Variants in DOK6 observed in about 807,000 individuals in gnomAD.
The protein encoded by DOK6 is downstream of tyrosine kinase 6.
In DOK6, 22 loss-of-function variants were observed where a neutral mutation model predicts 44.0. The ratio of observed to expected loss-of-function variants is 0.50; its 90% CI spans 0.36 to 0.71. DOK6 has a LOEUF of 0.71. Ranked by LOEUF, DOK6 falls within the 30% of genes least tolerant of loss-of-function variation. The pLI is 0.00. For missense variants in DOK6, 340 were observed against 416.4 expected, an observed-to-expected ratio of 0.82 and a Z score of 1.60; for synonymous variants, 166 against 145.5, an observed-to-expected ratio of 1.14 and a Z score of -1.01.
intron 1 of DOK6, among the ~76,000 whole-genome samples, chr18:69,506,480 C>T (rs754697367): frequency 1.3e-5 from 2 of 152,046 alleles, no homozygotes; most frequent in African/African-American, 2.4e-5. Context: ...TTGTAAGTGT[C>T]GAAGAAATGA....
intron 5 of DOK6, among the ~76,000 whole-genome samples, chr18:69,698,984 T>C (rs1305946155): frequency 1.3e-5 from 2 of 152,224 alleles, no homozygotes; most frequent in African/African-American, 4.8e-5. Context: ...GAGTGTTTTT[T>C]AATAAGCAAA....
intron 1 of DOK6, among the ~76,000 whole-genome samples, chr18:69,421,070 C>T (rs184692819): frequency 5.5e-4 from 83 of 152,242 alleles, no homozygotes; most frequent in South Asian, 3.3e-3. Flanking sequence ...GCATGCATCA[C>T]TTTAAATGTA....
At chr18:69,770,103 G>T (rs556303007) in intron 7 of DOK6, among the ~76,000 whole-genome samples, 7 of 152,110 alleles carry the variant, frequency 4.6e-5, no homozygotes, top group African/African-American at 1.7e-4. Context: ...TAGGAGTGGC[G>T]TTTTTATAAA....
In DOK6 at chr18:69,413,426, C is replaced by A. The variant is rs79798230; in HGVS notation, c.66+12116C>A. ...GATATAAGGATACATCCAGATCATA[C>A]AATTAAGAAAAAAGTTTGATTTAAA... On this transcript the variant is annotated intron_variant, in intron 1 of 7. Coordinates refer to ENST00000382713, the MANE Select transcript of DOK6 (RefSeq NM_152721.6). Among the ~76,000 whole-genome samples, 77 of 151,974 alleles carry A rather than the reference C, an allele frequency of 5.1e-4. 1 individual carries two copies. The highest frequency in any genetic ancestry group is 3.4e-3 in the Middle Eastern group (1 of 294).
chr18:69,465,748 A>G (rs1470747292), intron 1 of DOK6, among the ~76,000 whole-genome samples: 1 of 151,696 alleles, frequency 6.6e-6, no homozygotes, highest in Non-Finnish European at 1.5e-5. Flanking sequence ...GCTATTGTGA[A>G]TAGTGCCGCA....
Position 69,845,960 on chromosome 18 carries a change from G to A in DOK6, c.*4577G>A, listed in dbSNP as rs1327069600. On this transcript the variant is annotated 3_prime_UTR_variant, in exon 8 of 8. Coordinates refer to ENST00000382713, the MANE Select transcript of DOK6 (RefSeq NM_152721.6). ...AATTTTATCATGAACATAAATTATC[G>A]GTGAGACTGGTGTGCGGGGCTGGAT... 2 of 152,098 alleles carry A rather than the reference G, an allele frequency of 1.3e-5. No homozygotes were observed. The highest frequency in any genetic ancestry group is 3.2e-3 in the Middle Eastern group (1 of 316). 9.4% of individuals were successfully genotyped at this position (152,098 alleles called of 1,614,324 possible).
At chr18:69,439,336 T>C (rs765229712) in intron 1 of DOK6, among the ~76,000 whole-genome samples, 2 of 152,138 alleles carry the variant, frequency 1.3e-5, no homozygotes, top group African/African-American at 2.4e-5. Context: ...TAAATGAGCA[T>C]TGGCTGCAAC....
intron 1 of DOK6, among the ~76,000 whole-genome samples, chr18:69,487,554 CT>C (rs1336599662): frequency 6.6e-6 from 1 of 152,010 alleles, no homozygotes; most frequent in Non-Finnish European, 1.5e-5. Flanking sequence ...CCAAAAGTTC[CT>C]TTTTTAAACT....
At chr18:69,651,801 T>TA (rs1985236348) in intron 3 of DOK6, among the ~76,000 whole-genome samples, 2 of 152,248 alleles carry the variant, frequency 1.3e-5, no homozygotes, top group Admixed American at 1.3e-4. Flanking sequence ...CAGCCCCCTT[T>TA]AATCTCTTTT....
At chr18:69,421,424 A>G (rs1978488986) in intron 1 of DOK6, among the ~76,000 whole-genome samples, 1 of 152,204 alleles carries the variant, frequency 6.6e-6, no homozygotes, top group Non-Finnish European at 1.5e-5. Flanking sequence ...GAGGCTGTGG[A>G]CTTTCCTTCT....
chr18:69,587,903 G>A (rs7232810), intron 2 of DOK6, among the ~76,000 whole-genome samples: 144,728 of 152,220 alleles, frequency 0.95, 69,227 homozygotes, highest in East Asian at 1. Flanking sequence ...ATCATAGACA[G>A]TCTCATAATA....
chr18:69,778,962 C>T (rs1039662759), intron 7 of DOK6, among the ~76,000 whole-genome samples: 5 of 152,038 alleles, frequency 3.3e-5, no homozygotes, highest in South Asian at 2.1e-4. Context: ...AGAATTTTAC[C>T]GGCTCACTTC....
intron 3 of DOK6, among the ~76,000 whole-genome samples, chr18:69,642,216 C>T (rs28592600): frequency 2.0e-5 from 3 of 152,140 alleles, no homozygotes; most frequent in Non-Finnish European, 2.9e-5. Context: ...ATTAAAAAAC[C>T]TTCACTTACA....
At chr18:69,425,399 C>T (rs1232208123) in intron 1 of DOK6, among the ~76,000 whole-genome samples, 1 of 151,970 alleles carries the variant, frequency 6.6e-6, no homozygotes, top group Non-Finnish European at 1.5e-5. Context: ...TCTGCTCCTC[C>T]CCCTTTCAAT....
intron 5 of DOK6, among the ~76,000 whole-genome samples, chr18:69,725,574 G>A (rs990844160): frequency 2.0e-5 from 3 of 152,110 alleles, no homozygotes; most frequent in African/African-American, 7.2e-5. Flanking sequence ...TGCAGCCTCC[G>A]CCTCCTGGGT....
intron 3 of DOK6, among the ~76,000 whole-genome samples, chr18:69,652,024 T>C (rs1172146395): frequency 6.6e-6 from 1 of 152,222 alleles, no homozygotes; most frequent in Non-Finnish European, 1.5e-5. Context: ...GTCCTTGTGC[T>C]TCTCTCTGCT....
In DOK6 at chr18:69,775,773, A is replaced by G. The variant is rs569184366; in HGVS notation, c.856+17900A>G. 1.4e-4 allele frequency among the ~76,000 whole-genome samples: 22 copies of G among 152,056 alleles called. 1 individual carries two copies. In the South Asian group the frequency reaches 3.1e-3, roughly 21 times the overall value. The stretch of plus-strand genomic sequence containing the variant: ...ACCTTAGATTGAGTTTTAAAAGCCC[A>G]ACTTTGTGCGTTTCTAACAGAAAAC... On this transcript the variant is annotated intron_variant, in intron 7 of 7. Transcript: ENST00000382713.
chr18:69,427,551 T>G (rs1978675488), intron 1 of DOK6, among the ~76,000 whole-genome samples: 1 of 152,192 alleles, frequency 6.6e-6, no homozygotes, highest in Non-Finnish European at 1.5e-5. Context: ...GTGTGGTGAT[T>G]CCTCAAAGAC....
chr18:69,833,199 C>T (rs1174075023), intron 7 of DOK6, among the ~76,000 whole-genome samples: 1 of 152,062 alleles, frequency 6.6e-6, no homozygotes, highest in African/African-American at 2.4e-5. Context: ...CAGCATGGTA[C>T]TGGCAAAAAA....
Sources: allele counts gnomAD v4.1 joint callset (sites outside exome capture counted in the v4.1 genomes callset), GRCh38; gene constraint gnomAD v4.1.1; transcripts MANE v1.5; gene names NCBI Gene and HGNC (gene_info 2026-07-23, HGNC 2026-07-21).